DTNA: variants seen among roughly 807,000 people sequenced by gnomAD.
The protein encoded by DTNA is dystrophin-related protein 3.
A neutral mutation model predicts 100.7 loss-of-function variants in DTNA; 43 were observed. That is an observed-to-expected ratio of 0.43 (90% CI 0.33 to 0.55). DTNA has a LOEUF of 0.55. DTNA is among the 20% of genes least tolerant of loss of function. The probability of loss-of-function intolerance (pLI) is 0.04; values close to 1 mark genes in which losing one functional copy is unlikely to be tolerated. For synonymous variants in DTNA, 349 were observed against 347.9 expected (o/e 1.00, Z -0.04); for missense variants, 798 against 953.9 (o/e 0.84, Z 2.15).
rs562135683 is a variant in DTNA, at chr18:34,593,056, G to C, written c.-2+99542G>C. On this transcript the variant is annotated intron_variant, in intron 1 of 19. Transcript: ENST00000283365. ...TCAGTTGGTTTCTGGCAGTGAGTAG[G>C]GGGAGGGGATGGCAGGGGAAGCATA... 1.5e-3 allele frequency among the ~76,000 whole-genome samples: 229 copies of C among 152,314 alleles called. 1 individual carries two copies. Among genetic ancestry groups the C allele is most frequent in the Admixed American group, 3.1e-3 (47 of 15,304 alleles).
At chr18:34,726,319 C>G (rs758189140) in intron 1 of DTNA, among the ~76,000 whole-genome samples, 102 of 152,070 alleles carry the variant, frequency 6.7e-4, no homozygotes, top group Non-Finnish European at 1.1e-3. Context: ...CCCCTGGTCC[C>G]CCGAATTTCA....
chr18:34,748,505 A>C (rs1376805293), intron 1 of DTNA, among the ~76,000 whole-genome samples: 1 of 152,186 alleles, frequency 6.6e-6, no homozygotes, highest in African/African-American at 2.4e-5. Context: ...ATGAGAATCC[A>C]GTTTCATTCT....
intron 1 of DTNA, among the ~76,000 whole-genome samples, chr18:34,701,914 C>G (rs575653564): frequency 6.6e-6 from 1 of 152,298 alleles, no homozygotes; most frequent in African/African-American, 2.4e-5. Context: ...CACTATCCAC[C>G]CTTTCCTCTG....
intron 3 of DTNA, among the ~76,000 whole-genome samples, chr18:34,787,692 C>A (rs2094556475): frequency 6.6e-6 from 1 of 152,096 alleles, no homozygotes; most frequent in East Asian, 1.9e-4. Flanking sequence ...TCAGAAAACA[C>A]ATTAAAAATA....
intron 17 of DTNA, chr18:34,866,975 A>G: frequency 9.6e-7 from 1 of 1,046,550 alleles, no homozygotes. Flanking sequence ...GGGGAGCAGC[A>G]AACTCAAAAA....
At chr18:34,878,919 T>C (rs1040299853) in intron 19 of DTNA, among the ~76,000 whole-genome samples, 79 of 152,328 alleles carry the variant, frequency 5.2e-4, no homozygotes, top group African/African-American at 1.5e-3. Context: ...AATCCTGGAC[T>C]TCGCTTTCTT....
intron 1 of DTNA, among the ~76,000 whole-genome samples, chr18:34,580,212 T>C (rs1475700702): frequency 6.6e-6 from 1 of 152,200 alleles, no homozygotes; most frequent in Non-Finnish European, 1.5e-5. Flanking sequence ...CCAATGTTAA[T>C]GCATGCTTCT....
chr18:34,865,061 G>A (rs561171038), intron 17 of DTNA, among the ~76,000 whole-genome samples: 1 of 152,302 alleles, frequency 6.6e-6, no homozygotes, highest in East Asian at 1.9e-4. Flanking sequence ...ATATAAACAA[G>A]CAAGAAGCAG....
At chr18:34,547,491 G>A (rs943220107) in intron 1 of DTNA, among the ~76,000 whole-genome samples, 3 of 152,000 alleles carry the variant, frequency 2.0e-5, no homozygotes, top group African/African-American at 7.2e-5. Flanking sequence ...TTACAGGGTG[G>A]GAATTACTCT....
At chr18:34,724,344 A>G (rs1206965249) in intron 1 of DTNA, among the ~76,000 whole-genome samples, 2 of 152,252 alleles carry the variant, frequency 1.3e-5, no homozygotes, top group Non-Finnish European at 2.9e-5. Flanking sequence ...AAAAAATCCT[A>G]TGCAGCTACT....
chr18:34,659,684 C>A (rs2074912221), intron 1 of DTNA, among the ~76,000 whole-genome samples: 1 of 151,934 alleles, frequency 6.6e-6, no homozygotes, highest in Admixed American at 6.6e-5. Flanking sequence ...TTTTAACAAC[C>A]TATTCTGATC....
At chr18:34,674,200 G>A (rs2077121592) in intron 1 of DTNA, among the ~76,000 whole-genome samples, 1 of 152,198 alleles carries the variant, frequency 6.6e-6, no homozygotes, top group Non-Finnish European at 1.5e-5. Flanking sequence ...TCCCTAATGG[G>A]AGAGGCCTGC....
At chr18:34,839,585 T>C (rs1271999103) in intron 13 of DTNA, among the ~76,000 whole-genome samples, 1 of 152,142 alleles carries the variant, frequency 6.6e-6, no homozygotes, top group Non-Finnish European at 1.5e-5. Flanking sequence ...GGACAAACTA[T>C]GTATCATATG....
At chr18:34,674,282 G>A (rs575236256) in intron 1 of DTNA, among the ~76,000 whole-genome samples, 1 of 152,172 alleles carries the variant, frequency 6.6e-6, no homozygotes, top group Non-Finnish European at 1.5e-5. Context: ...CACAGCCACA[G>A]CCCCTTTATC....
chr18:34,528,659 G>A (rs1280317822), intron 1 of DTNA, among the ~76,000 whole-genome samples: 7 of 151,998 alleles, frequency 4.6e-5, no homozygotes, highest in Non-Finnish European at 8.8e-5. Context: ...AGCTTCTGGG[G>A]TACAGGGCCT....
chr18:34,670,185 C>G (rs1431905509), intron 1 of DTNA, among the ~76,000 whole-genome samples: 5 of 152,204 alleles, frequency 3.3e-5, no homozygotes, highest in African/African-American at 1.2e-4. Context: ...TCTTCCATCA[C>G]TGATACCCTT....
intron 1 of DTNA, among the ~76,000 whole-genome samples, chr18:34,614,436 G>T (rs1217346922): frequency 6.6e-6 from 1 of 152,136 alleles, no homozygotes; most frequent in African/African-American, 2.4e-5. Flanking sequence ...AATAGACAAT[G>T]ATTCCTCTGA....
At chr18:34,866,900 G>C (rs2096711275) in intron 17 of DTNA, 1 of 1,117,736 alleles carries the variant, frequency 8.9e-7, no homozygotes, top group Non-Finnish European at 1.1e-6. Context: ...GGAAATAGGG[G>C]CATTGTGACT....
At chr18:34,619,749 C>G (rs1037462440) in intron 1 of DTNA, among the ~76,000 whole-genome samples, 1 of 151,918 alleles carries the variant, frequency 6.6e-6, no homozygotes, top group Non-Finnish European at 1.5e-5. Flanking sequence ...CTAAAATATC[C>G]AGTAGTCATT....
Sources: allele counts gnomAD v4.1 joint callset (sites outside exome capture counted in the v4.1 genomes callset), GRCh38; gene constraint gnomAD v4.1.1; transcripts MANE v1.5; gene names NCBI Gene and HGNC (gene_info 2026-07-23, HGNC 2026-07-21).